The following FBXO4 variants were observed in gnomAD, a reference collection of about 807,000 sequenced individuals.
The protein encoded by FBXO4 is F-box protein 4.
Under a neutral mutation model 43.7 loss-of-function variants are expected in FBXO4, and 36 were observed. The observed-to-expected ratio is 0.82, with a 90% CI of 0.63 to 1.09. FBXO4 has a LOEUF of 1.09. Ranked by LOEUF, FBXO4 falls within the 50% of genes least tolerant of loss-of-function variation. The pLI is 0.00. For synonymous variants in FBXO4, 180 were observed against 165.6 expected (o/e 1.09, Z -0.67); for missense variants, 435 against 474.1 (o/e 0.92, Z 0.77).
the FBXO4 span, chr5:41,963,731 G>A: frequency 6.6e-6 from 1 of 152,164 alleles, no homozygotes; most frequent in East Asian, 1.9e-4. Context: ...GGCTAAGGAG[G>A]AGCAGGAAGA....
At chr5:41,990,162 T>A in the FBXO4 span, among the ~76,000 whole-genome samples, 1 of 152,242 alleles carries the variant, frequency 6.6e-6, no homozygotes, top group Non-Finnish European at 1.5e-5. Flanking sequence ...TCTCTTTTGA[T>A]CTTTTGACTC....
the FBXO4 span, among the ~76,000 whole-genome samples, chr5:41,989,559 A>G: frequency 2.0e-5 from 3 of 152,280 alleles, no homozygotes; most frequent in South Asian, 6.2e-4. Context: ...TTGCCTTGGA[A>G]TATTATTGCA....
the FBXO4 span, among the ~76,000 whole-genome samples, chr5:41,970,471 A>C: frequency 2.0e-5 from 3 of 151,982 alleles, no homozygotes; most frequent in Admixed American, 2.0e-4. Context: ...AGAAAATGTA[A>C]TTTTACAGGC....
At chr5:42,008,525 G>T in the FBXO4 span, among the ~76,000 whole-genome samples, 2 of 152,080 alleles carry the variant, frequency 1.3e-5, no homozygotes, top group African/African-American at 4.8e-5. Flanking sequence ...TGTGACCCCT[G>T]CTCCTCTGTG....
In FBXO4 at chr5:41,925,338, CA is replaced by C; in HGVS notation, c.32del (p.Asn11ThrfsTer28). On this transcript the variant is annotated frameshift_variant, in exon 1 of 7. Coordinates refer to ENST00000281623, the MANE Select transcript of FBXO4 (RefSeq NM_012176.3). LOFTEE classifies it high-confidence loss of function. MAGSEPRSGTNSPPPPFSDW... is the reference protein window; with the variant it reads MAGSEPRSGXNSPPPPFSDW... ...GCGGGAAGCGAGCCGCGCAGCGGAACAAACTCGCCGCCGCCGCCCTTCAGCG... is the reference window on the plus strand; with the variant it reads ...GCGGGAAGCGAGCCGCGCAGCGGAACAACTCGCCGCCGCCGCCCTTCAGCG... 7.3e-7 allele frequency: 1 copy of C among 1,364,720 alleles called. No individual in the cohort carries two copies. Among genetic ancestry groups the C allele is most frequent in the South Asian group, 1.8e-5 (1 of 56,884 alleles). 84.5% of individuals were successfully genotyped at this position (1,364,720 alleles called of 1,614,324 possible).
chr5:41,970,670 T>C, the FBXO4 span, among the ~76,000 whole-genome samples: 1 of 151,958 alleles, frequency 6.6e-6, no homozygotes, highest in Non-Finnish European at 1.5e-5. Context: ...GTGTAAGAAT[T>C]TATCAGTCAT....
At chr5:41,965,036 T>C in the FBXO4 span, among the ~76,000 whole-genome samples, 2 of 152,284 alleles carry the variant, frequency 1.3e-5, no homozygotes, top group Middle Eastern at 3.4e-3. Context: ...TTAAGTTTTT[T>C]ATCCATCTTG....
the FBXO4 span, among the ~76,000 whole-genome samples, chr5:41,957,676 C>T: frequency 6.6e-6 from 1 of 151,466 alleles, no homozygotes; most frequent in African/African-American, 2.4e-5. Context: ...ATATATTTAT[C>T]ATATTTTAAA....
At chr5:41,931,251 C>T (rs1751678305) in intron 3 of FBXO4, among the ~76,000 whole-genome samples, 1 of 152,156 alleles carries the variant, frequency 6.6e-6, no homozygotes, top group Admixed American at 6.5e-5. Context: ...AACTCTAAGT[C>T]ACTGTTAGTG....
the FBXO4 span, among the ~76,000 whole-genome samples, chr5:41,970,254 G>A: frequency 1.3e-5 from 2 of 151,992 alleles, no homozygotes; most frequent in Non-Finnish European, 2.9e-5. Flanking sequence ...AACCTAAAAT[G>A]GAAATGCTGG....
At chr5:42,024,900 A>T in the FBXO4 span, among the ~76,000 whole-genome samples, 1 of 152,026 alleles carries the variant, frequency 6.6e-6, no homozygotes, top group Non-Finnish European at 1.5e-5. Context: ...TTTATGGCTG[A>T]ATAGTACTCC....
chr5:41,995,196 G>A, the FBXO4 span, among the ~76,000 whole-genome samples: 1 of 152,204 alleles, frequency 6.6e-6, no homozygotes, highest in Non-Finnish European at 1.5e-5. Context: ...TTAGTCAGAG[G>A]CAATGCTGTG....
the FBXO4 span, among the ~76,000 whole-genome samples, chr5:42,032,362 T>C: frequency 6.6e-6 from 1 of 152,084 alleles, no homozygotes; most frequent in East Asian, 1.9e-4. Flanking sequence ...AGATGCCATA[T>C]GGGAGTCAGG....
the FBXO4 span, among the ~76,000 whole-genome samples, chr5:42,039,459 T>C: frequency 6.6e-6 from 1 of 152,064 alleles, no homozygotes; most frequent in African/African-American, 2.4e-5. Flanking sequence ...ATGTTAAACT[T>C]CCCAGACATG....
intron 5 of FBXO4, chr5:41,934,934 A>C (rs1751810780): frequency 2.1e-6 from 2 of 966,932 alleles, no homozygotes; most frequent in South Asian, 9.5e-5. Context: ...ATATAAATAC[A>C]TAATATATTG....
chr5:41,946,094 T>TAA (rs2112594359), downstream of FBXO4, among the ~76,000 whole-genome samples: 1 of 152,294 alleles, frequency 6.6e-6, no homozygotes, highest in South Asian at 2.1e-4. Flanking sequence ...CTCACTAAAC[T>TAA]TAATAATAAA....
the FBXO4 span, among the ~76,000 whole-genome samples, chr5:41,961,520 C>T: frequency 0.079 from 12,085 of 152,154 alleles, 690 homozygotes; most frequent in African/African-American, 0.16. Flanking sequence ...GCTCCCCTGT[C>T]AGTAACAGCA....
chr5:42,007,200 A>T, the FBXO4 span, among the ~76,000 whole-genome samples: 1 of 102,962 alleles, frequency 9.7e-6, no homozygotes, highest in African/African-American at 3.3e-5. Flanking sequence ...ATGTCTTTAT[A>T]AAAAAAGGAC....
intron 3 of FBXO4, among the ~76,000 whole-genome samples, chr5:41,931,731 C>T (rs1751692999): frequency 6.6e-6 from 1 of 152,130 alleles, no homozygotes; most frequent in Non-Finnish European, 1.5e-5. Context: ...CATACGGAGT[C>T]CACATGGACT....
Sources: gnomAD v4.1 joint callset for allele counts (sites outside exome capture counted in the v4.1 genomes callset) on GRCh38, gnomAD v4.1.1 for gene constraint, MANE v1.5 for transcripts, NCBI Gene and HGNC (gene_info 2026-07-23, HGNC 2026-07-21) for gene names.